Variants in NEDD4L observed in about 807,000 individuals in gnomAD.
NEDD4L encodes E3 ubiquitin-protein ligase NEDD4-like.
Under a neutral mutation model 148.9 loss-of-function variants are expected in NEDD4L, and 54 were observed. The observed-to-expected ratio is 0.36, with a 90% CI of 0.29 to 0.45. The LOEUF (loss-of-function observed/expected upper bound fraction) is 0.45, where lower values mean the gene tolerates loss of function less well. NEDD4L is among the 20% of genes least tolerant of loss of function. The probability of loss-of-function intolerance (pLI) is 1.00; values close to 1 mark genes in which losing one functional copy is unlikely to be tolerated. For synonymous variants in NEDD4L, 433 were observed against 440.7 expected (o/e 0.98, Z 0.22); for missense variants, 856 against 1,233.8 (o/e 0.69, Z 4.59).
Position 58,399,912 on chromosome 18 carries a change from A to T in NEDD4L, c.*3643A>T, listed in dbSNP as rs2050743294. 6.6e-6 allele frequency: 1 copy of T among 152,250 alleles called. No homozygotes were observed. Among genetic ancestry groups the T allele is most frequent in the South Asian group, 2.1e-4 (1 of 4,832 alleles). The allele number at this position is 152,250 out of a possible 1,614,324, so 9.4% of individuals were successfully genotyped here. A position where few individuals can be genotyped will look rare whatever the true frequency, so the allele number is the denominator to read the frequency against. On this transcript the variant is annotated 3_prime_UTR_variant, in exon 31 of 31. Coordinates refer to ENST00000400345, the MANE Select transcript of NEDD4L (RefSeq NM_001144967.3). ...ATCCACACTGGTCCTCCCGAAAGCC[A>T]GGTTCATACACAGCAACTTTTTAAT...
intron 5 of NEDD4L, among the ~76,000 whole-genome samples, chr18:58,296,661 C>G (rs1320541822): frequency 1.3e-5 from 2 of 152,206 alleles, no homozygotes; most frequent in African/African-American, 4.8e-5. Context: ...GTGGCTCACG[C>G]CTGTAATCCC....
rs761514311 is a variant in NEDD4L, at chr18:58,333,883, T to C, written c.1056T>C (p.His352=). 11 of 1,612,090 alleles carry C rather than the reference T, an allele frequency of 6.8e-6. No homozygotes were observed. In the South Asian group the frequency reaches 1.1e-4, roughly 16 times the overall value. The change falls in exon 12 of 31, where the codon CAT becomes CAC. Residue 352 remains histidine (H), a synonymous_variant. Transcript: ENST00000400345. The part of the protein sequence containing the change: ...SVTDAVAEQG[H]LPPPSAPAGR... Reference sequence around the variant, plus strand: ...CCGACGCAGTTGCAGAACAGGGCCATCTACCACCGGTAACCCATGCTAATT... The same window carrying C: ...CCGACGCAGTTGCAGAACAGGGCCACCTACCACCGGTAACCCATGCTAATT...
chr18:58,241,065 C>T (rs1390969479), intron 2 of NEDD4L, among the ~76,000 whole-genome samples: 1 of 152,192 alleles, frequency 6.6e-6, no homozygotes. Context: ...CCACCCCGGC[C>T]TTCCAAAGTG....
chr18:58,284,691 C>A (rs959568158), intron 5 of NEDD4L, among the ~76,000 whole-genome samples: 1 of 152,140 alleles, frequency 6.6e-6, no homozygotes, highest in African/African-American at 2.4e-5. Flanking sequence ...AATCTTACTT[C>A]TTTGAAAAAC....
At chr18:58,151,671 G>T (rs2034784619) in intron 1 of NEDD4L, among the ~76,000 whole-genome samples, 1 of 150,106 alleles carries the variant, frequency 6.7e-6, no homozygotes, top group African/African-American at 2.5e-5. Context: ...GCTGGAGAAG[G>T]CTTACCAGTG....
At chr18:58,355,802 CTT>C (rs58183149) in intron 18 of NEDD4L, among the ~76,000 whole-genome samples, 4,259 of 130,052 alleles carry the variant, frequency 0.033, 80 homozygotes, top group Non-Finnish European at 0.046. Flanking sequence ...GCTTTGGTAG[CTT>C]TTTTTTTTTT....
intron 5 of NEDD4L, among the ~76,000 whole-genome samples, chr18:58,252,323 C>T (rs1212462038): frequency 6.6e-6 from 1 of 152,176 alleles, no homozygotes; most frequent in Non-Finnish European, 1.5e-5. Context: ...AGCCCATATG[C>T]TCATGCTCTA....
At chr18:58,155,833 A>G (rs1402412699) in intron 1 of NEDD4L, among the ~76,000 whole-genome samples, 1 of 152,192 alleles carries the variant, frequency 6.6e-6, no homozygotes, top group Non-Finnish European at 1.5e-5. Context: ...TTGCTTTGGG[A>G]GTCTCTAGAC....
At chr18:58,149,855 G>A (rs1021652515) in intron 1 of NEDD4L, among the ~76,000 whole-genome samples, 3 of 152,162 alleles carry the variant, frequency 2.0e-5, no homozygotes, top group Non-Finnish European at 2.9e-5. Flanking sequence ...TAGGAACACC[G>A]TGACAGTTGT....
intron 2 of NEDD4L, among the ~76,000 whole-genome samples, chr18:58,182,154 A>G (rs2038929873): frequency 6.6e-6 from 1 of 152,200 alleles, no homozygotes; most frequent in South Asian, 2.1e-4. Flanking sequence ...TCTTGGTGCA[A>G]GAAACCTGGG....
intron 1 of NEDD4L, among the ~76,000 whole-genome samples, chr18:58,146,868 A>G (rs1244623488): frequency 2.0e-5 from 3 of 151,546 alleles, no homozygotes; most frequent in Non-Finnish European, 2.9e-5. Context: ...CAAGGGATCC[A>G]TGTTTTCATT....
At chr18:58,201,812 C>T (rs1290205009) in intron 2 of NEDD4L, among the ~76,000 whole-genome samples, 1 of 152,090 alleles carries the variant, frequency 6.6e-6, no homozygotes, top group Non-Finnish European at 1.5e-5. Flanking sequence ...TGTTCTGAGC[C>T]CTGGTTTTCT....
At chr18:58,264,934 A>G (rs530740909) in intron 5 of NEDD4L, among the ~76,000 whole-genome samples, 1 of 152,206 alleles carries the variant, frequency 6.6e-6, no homozygotes, top group Admixed American at 6.5e-5. Context: ...TTGGACATAT[A>G]AATACTTAGG....
chr18:58,177,267 G>T (rs1050246037), intron 2 of NEDD4L, among the ~76,000 whole-genome samples: 5 of 152,158 alleles, frequency 3.3e-5, no homozygotes, highest in Non-Finnish European at 5.9e-5. Flanking sequence ...TTTCTTGCGG[G>T]GAGGAAGGGT....
chr18:58,067,407 T>C (rs1237888796), intron 1 of NEDD4L, among the ~76,000 whole-genome samples: 1 of 152,220 alleles, frequency 6.6e-6, no homozygotes, highest in Non-Finnish European at 1.5e-5. Flanking sequence ...CTATCTGATA[T>C]CCTTTTGCTA....
intron 1 of NEDD4L, among the ~76,000 whole-genome samples, chr18:58,053,373 A>G (rs1031042880): frequency 6.6e-6 from 1 of 151,872 alleles, no homozygotes; most frequent in African/African-American, 2.4e-5. Flanking sequence ...CAGTGGTGCA[A>G]TCTCGGCTCA....
chr18:58,177,474 G>A (rs924999848), intron 2 of NEDD4L, among the ~76,000 whole-genome samples: 8 of 152,130 alleles, frequency 5.3e-5, no homozygotes, highest in Admixed American at 6.5e-5. Context: ...ATGCTGGAGC[G>A]TGGCTGCCGG....
intron 1 of NEDD4L, among the ~76,000 whole-genome samples, chr18:58,065,325 G>C (rs1024288412): frequency 2.0e-5 from 3 of 152,134 alleles, no homozygotes; most frequent in Admixed American, 6.6e-5. Flanking sequence ...TTGTTTAAAG[G>C]CAAACAAAAA....
intron 1 of NEDD4L, among the ~76,000 whole-genome samples, chr18:58,066,308 T>G (rs1470661375): frequency 6.6e-6 from 1 of 151,792 alleles, no homozygotes; most frequent in Non-Finnish European, 1.5e-5. Flanking sequence ...TGAGTGAGAG[T>G]GATCTCGTTG....
Sources: gnomAD v4.1 joint callset for allele counts (sites outside exome capture counted in the v4.1 genomes callset) on GRCh38, gnomAD v4.1.1 for gene constraint, MANE v1.5 for transcripts, NCBI Gene and HGNC (gene_info 2026-07-23, HGNC 2026-07-21) for gene names.